The following ZSWIM6 variants were observed in gnomAD, a reference collection of about 807,000 sequenced individuals.
The protein encoded by ZSWIM6 is zinc finger SWIM-type containing 6.
Under a neutral mutation model 113.2 loss-of-function variants are expected in ZSWIM6, and 9 were observed. The observed-to-expected ratio is 0.08, with a 90% confidence interval of 0.05 to 0.14. ZSWIM6 has a LOEUF of 0.14. Among genes scored for constraint, ZSWIM6 ranks in the 10% least tolerant of loss-of-function variants. ZSWIM6 has a pLI of 1.00. For missense variants in ZSWIM6, 1,162 were observed against 1,552.2 expected, an observed-to-expected ratio of 0.75 and a Z score of 4.22; for synonymous variants, 611 against 606.5, an observed-to-expected ratio of 1.01 and a Z score of -0.11.
At chr5:61,459,577 G>A (rs779535667) in intron 1 of ZSWIM6, among the ~76,000 whole-genome samples, 7 of 152,126 alleles carry the variant, frequency 4.6e-5, no homozygotes, top group East Asian at 1.9e-4. Flanking sequence ...TACATAGATC[G>A]TTTGCTTTCA....
At chr5:61,368,852 G>C (rs926541418) in intron 1 of ZSWIM6, among the ~76,000 whole-genome samples, 11 of 152,324 alleles carry the variant, frequency 7.2e-5, no homozygotes, top group African/African-American at 2.6e-4. Flanking sequence ...TGTAGTTTCT[G>C]CTTTGACATC....
chr5:61,452,803 C>A (rs553045099), intron 1 of ZSWIM6, among the ~76,000 whole-genome samples: 1 of 152,256 alleles, frequency 6.6e-6, no homozygotes, highest in East Asian at 1.9e-4. Flanking sequence ...TCCTTTTTCT[C>A]TTTGAGGATT....
At chr5:61,412,196 C>T (rs1167967268) in intron 1 of ZSWIM6, among the ~76,000 whole-genome samples, 1 of 152,262 alleles carries the variant, frequency 6.6e-6, no homozygotes, top group African/African-American at 2.4e-5. Flanking sequence ...ACTGAGATCT[C>T]ATGATAAAAA....
intron 1 of ZSWIM6, among the ~76,000 whole-genome samples, chr5:61,393,750 A>C (rs1745779741): frequency 6.6e-6 from 1 of 151,494 alleles, no homozygotes; most frequent in Admixed American, 6.6e-5. Flanking sequence ...AAAAAAAAAA[A>C]ATGTACTTTT....
chr5:61,348,137 C>T (rs1487123366), intron 1 of ZSWIM6, among the ~76,000 whole-genome samples: 1 of 152,128 alleles, frequency 6.6e-6, no homozygotes, highest in East Asian at 1.9e-4. Flanking sequence ...AGGAAAATGG[C>T]GTCAACCCGG....
intron 1 of ZSWIM6, among the ~76,000 whole-genome samples, chr5:61,355,825 A>T (rs1358680920): frequency 6.6e-6 from 1 of 152,236 alleles, no homozygotes; most frequent in African/African-American, 2.4e-5. Flanking sequence ...TGAAATGATA[A>T]TATTTGTGTT....
chr5:61,520,521 T>C (rs1749084618), intron 4 of ZSWIM6, among the ~76,000 whole-genome samples: 1 of 152,220 alleles, frequency 6.6e-6, no homozygotes, highest in Non-Finnish European at 1.5e-5. Flanking sequence ...ATTTTACTCA[T>C]GAACATATAA....
chr5:61,508,275 T>G (rs1351536969), intron 4 of ZSWIM6, among the ~76,000 whole-genome samples: 4 of 152,168 alleles, frequency 2.6e-5, no homozygotes, highest in African/African-American at 9.6e-5. Context: ...CTAAAGACAT[T>G]TAAAATTTTA....
chr5:61,492,146 T>A (rs567385320), intron 3 of ZSWIM6, among the ~76,000 whole-genome samples: 1 of 152,230 alleles, frequency 6.6e-6, no homozygotes, highest in South Asian at 2.1e-4. Flanking sequence ...AAGAGTAAAG[T>A]GTTTATTTTC....
intron 5 of ZSWIM6, among the ~76,000 whole-genome samples, chr5:61,522,804 A>G (rs974406278): frequency 6.6e-6 from 1 of 152,244 alleles, no homozygotes; most frequent in African/African-American, 2.4e-5. Context: ...GTATGCCTAC[A>G]TCTACATAGG....
In ZSWIM6 at chr5:61,332,374, G is replaced by C. The variant is rs1744269549; in HGVS notation, c.102G>C (p.Ala34=). Reference sequence around the variant, plus strand: ...GCAGCAGCGGCGGCGGCGGCGGCGCGGGTGGCGGCTACAGCTCTGCCTGTC... The same window carrying C: ...GCAGCAGCGGCGGCGGCGGCGGCGCCGGTGGCGGCTACAGCTCTGCCTGTC... ...GGGSSGGGGG[A]GGGYSSACRP... Residue 34 remains alanine (A), a synonymous_variant, in exon 1 of 14, where the codon GCG becomes GCC. Transcript: ENST00000252744. 3 of 932,736 alleles carry C rather than the reference G, an allele frequency of 3.2e-6. No individual in the cohort carries two copies. Among genetic ancestry groups the C allele is most frequent in the East Asian group, 2.0e-4 (2 of 10,102 alleles). The allele number at this position is 932,736 out of a possible 1,614,324, so 57.8% of individuals were successfully genotyped here.
chr5:61,367,779 TTAAC>T (rs2112063107), intron 1 of ZSWIM6, among the ~76,000 whole-genome samples: 1 of 152,248 alleles, frequency 6.6e-6, no homozygotes, highest in East Asian at 1.9e-4. Context: ...TTCTGATTGG[TTAAC>T]TAATGTTTAG....
intron 1 of ZSWIM6, among the ~76,000 whole-genome samples, chr5:61,339,089 T>C (rs531886134): frequency 6.6e-6 from 1 of 152,356 alleles, no homozygotes; most frequent in Non-Finnish European, 1.5e-5. Flanking sequence ...TCTTTCTGCT[T>C]ACACTCATAT....
At chr5:61,476,313 A>G (rs1033262336) in intron 2 of ZSWIM6, among the ~76,000 whole-genome samples, 1 of 152,168 alleles carries the variant, frequency 6.6e-6, no homozygotes, top group Non-Finnish European at 1.5e-5. Context: ...ATTTTCTTGT[A>G]ATTTATAATT....
At chr5:61,527,843 A>C (rs762964305) in intron 7 of ZSWIM6, among the ~76,000 whole-genome samples, 1 of 152,204 alleles carries the variant, frequency 6.6e-6, no homozygotes, top group Non-Finnish European at 1.5e-5. Context: ...AAATGTTGTA[A>C]TAAAAAAGGA....
intron 1 of ZSWIM6, among the ~76,000 whole-genome samples, chr5:61,446,636 A>G (rs1207738906): frequency 2.0e-5 from 3 of 152,218 alleles, no homozygotes; most frequent in Non-Finnish European, 4.4e-5. Flanking sequence ...AATATATACT[A>G]ACAATTCTGA....
intron 4 of ZSWIM6, among the ~76,000 whole-genome samples, chr5:61,504,672 C>T (rs1159439525): frequency 6.6e-6 from 1 of 152,178 alleles, no homozygotes; most frequent in East Asian, 1.9e-4. Flanking sequence ...CTATACTAAT[C>T]ATCATTGGTA....
intron 2 of ZSWIM6, among the ~76,000 whole-genome samples, chr5:61,474,963 G>T (rs1344724053): frequency 2.0e-5 from 3 of 152,196 alleles, no homozygotes; most frequent in Non-Finnish European, 4.4e-5. Context: ...AATAACAGGA[G>T]TGTAAACAAC....
At chr5:61,516,876 G>T (rs188404414) in intron 4 of ZSWIM6, among the ~76,000 whole-genome samples, 13 of 151,746 alleles carry the variant, frequency 8.6e-5, no homozygotes, top group Non-Finnish European at 1.8e-4. Context: ...CCCTGATCTG[G>T]GTATGGTTAT....
Sources: allele counts gnomAD v4.1 joint callset (sites outside exome capture counted in the v4.1 genomes callset), GRCh38; gene constraint gnomAD v4.1.1; transcripts MANE v1.5; gene names NCBI Gene and HGNC (gene_info 2026-07-23, HGNC 2026-07-21).